OTUD7A: variants seen among roughly 807,000 people sequenced by gnomAD.
OTUD7A encodes OTU deubiquitinase 7A.
Under a neutral mutation model 65.7 loss-of-function variants are expected in OTUD7A, and 12 were observed. That is an observed-to-expected ratio of 0.18 (90% CI 0.12 to 0.30). The LOEUF is 0.30. Ranked by LOEUF, OTUD7A falls within the 10% of genes least tolerant of loss-of-function variation. The pLI, the probability that OTUD7A is intolerant of heterozygous loss-of-function variation, is 1.00. For synonymous variants in OTUD7A, 641 were observed against 586.3 expected, an observed-to-expected ratio of 1.09 and a Z score of -1.35; for missense variants, 1,148 against 1,304.8, an observed-to-expected ratio of 0.88 and a Z score of 1.85.
At chr15:31,720,757 G>C (rs1382298367) in intron 1 of OTUD7A, among the ~76,000 whole-genome samples, 2 of 150,990 alleles carry the variant, frequency 1.3e-5, no homozygotes, top group Admixed American at 6.6e-5. Context: ...TGTTTCTAAA[G>C]TCTACAGCAG....
chr15:31,610,607 A>ATTT (rs1395271113), intron 3 of OTUD7A, among the ~76,000 whole-genome samples: 1 of 39,564 alleles, frequency 2.5e-5, no homozygotes, highest in Non-Finnish European at 4.6e-5. Flanking sequence ...ATATATATAT[A>ATTT]TATATATATA....
intron 3 of OTUD7A, among the ~76,000 whole-genome samples, chr15:31,607,277 C>T (rs1388335375): frequency 2.0e-5 from 3 of 152,078 alleles, no homozygotes; most frequent in Admixed American, 1.3e-4. Flanking sequence ...TACTCAGGGC[C>T]CTCAATGAAG....
chr15:31,792,725 T>TCTGC lies in OTUD7A; in HGVS notation c.-100+77778_-100+77781dup, dbSNP rs547498596. On this transcript the variant is annotated intron_variant, in intron 1 of 12. Coordinates refer to ENST00000307050, the MANE Select transcript of OTUD7A (RefSeq NM_001382637.1). ...AATTCTTCTTTATGTGTATGTGTGT[T>TCTGC]CTGCCATCCCCCACTGGCTTCTGAG... 9.8e-5 allele frequency among the ~76,000 whole-genome samples: 15 copies of TCTGC among 152,316 alleles called. No individual in the cohort carries two copies. The South Asian group carries it at 3.1e-3, about 32-fold the overall frequency.
At chr15:31,574,153 T>C (rs1367462781) in intron 3 of OTUD7A, among the ~76,000 whole-genome samples, 2 of 152,318 alleles carry the variant, frequency 1.3e-5, no homozygotes, top group African/African-American at 2.4e-5. Context: ...CAAACTTATA[T>C]AACCACTAGT....
At chr15:31,719,537 G>C (rs1284408663) in intron 1 of OTUD7A, among the ~76,000 whole-genome samples, 1 of 152,124 alleles carries the variant, frequency 6.6e-6, no homozygotes, top group Admixed American at 6.5e-5. Context: ...AATTTGAAGA[G>C]ACAGCCCTCC....
chr15:31,548,927 G>C (rs1215069187), intron 5 of OTUD7A, among the ~76,000 whole-genome samples: 2 of 152,112 alleles, frequency 1.3e-5, no homozygotes, highest in Non-Finnish European at 1.5e-5. Flanking sequence ...CTTGAGGCCA[G>C]GGGTTCAAGA....
chr15:31,478,329 T>C lies in OTUD7A; in HGVS notation c.*4965A>G, dbSNP rs967040323. 1 of 150,674 alleles carries C rather than the reference T, an allele frequency of 6.6e-6. No individual in the cohort carries two copies. Among genetic ancestry groups the C allele is most frequent in the Non-Finnish European group, 1.5e-5 (1 of 67,502 alleles). The allele number at this position is 150,674 out of a possible 1,614,324, so 9.3% of individuals were successfully genotyped here. A position where few individuals can be genotyped will look rare whatever the true frequency, so the allele number is the denominator to read the frequency against. On this transcript the variant is annotated 3_prime_UTR_variant, in exon 13 of 13. Transcript: ENST00000307050. ...AAACCAAATGGTACTCTTCGCCTTA[T>C]GTTAAACTAACAAATTATGTATATA...
chr15:31,735,262 G>A (rs1346172676), intron 1 of OTUD7A, among the ~76,000 whole-genome samples: 1 of 152,164 alleles, frequency 6.6e-6, no homozygotes, highest in Non-Finnish European at 1.5e-5. Context: ...GGTGGCTCAT[G>A]CCTGTAATCC....
At chr15:31,818,156 G>C (rs1249390545) in intron 1 of OTUD7A, among the ~76,000 whole-genome samples, 1 of 152,160 alleles carries the variant, frequency 6.6e-6, no homozygotes, top group Non-Finnish European at 1.5e-5. Flanking sequence ...GGACTTCTCG[G>C]ACTCCCAAAC....
chr15:31,837,746 G>A (rs1189332097), intron 1 of OTUD7A, among the ~76,000 whole-genome samples: 1 of 152,086 alleles, frequency 6.6e-6, no homozygotes, highest in African/African-American at 2.4e-5. Flanking sequence ...CAAAATCCCA[G>A]CAAGGTGTTT....
chr15:31,746,761 G>A (rs956811422), intron 1 of OTUD7A, among the ~76,000 whole-genome samples: 24 of 152,172 alleles, frequency 1.6e-4, no homozygotes, highest in African/African-American at 5.8e-4. Flanking sequence ...CTCCCAAAGT[G>A]CTGGGATTAC....
intron 1 of OTUD7A, among the ~76,000 whole-genome samples, chr15:31,861,380 G>A (rs1051510981): frequency 1.3e-5 from 2 of 152,152 alleles, no homozygotes; most frequent in African/African-American, 4.8e-5. Flanking sequence ...AACCATACAT[G>A]CTAAGCAGTG....
At chr15:31,831,364 T>C (rs1483687707) in intron 1 of OTUD7A, among the ~76,000 whole-genome samples, 1 of 152,110 alleles carries the variant, frequency 6.6e-6, no homozygotes, top group East Asian at 1.9e-4. Context: ...ACAACAAACC[T>C]AGTAAAAATC....
In OTUD7A at chr15:31,480,672, G is replaced by A. The variant is rs6493688; in HGVS notation, c.*2622C>T. The A allele has an allele frequency of 0.28, 43,087 of 152,260 alleles. 6,346 individuals carry two copies. Among genetic ancestry groups the A allele is most frequent in the East Asian group, 0.37 (1,922 of 5,180 alleles). 9.4% of individuals were successfully genotyped at this position (152,260 alleles called of 1,614,324 possible). A position where few individuals can be genotyped will look rare whatever the true frequency, so the allele number is the denominator to read the frequency against. ...CACGCCTCTTCTCAAGGAGCATGCT[G>A]TCGGTGCACGGGACTAGCACATTTA... is the stretch of plus-strand genomic sequence containing the variant. On this transcript the variant is annotated 3_prime_UTR_variant, in exon 13 of 13. Coordinates refer to ENST00000307050, the MANE Select transcript of OTUD7A (RefSeq NM_001382637.1).
At chr15:31,628,085 T>C (rs1348534392) in intron 3 of OTUD7A, among the ~76,000 whole-genome samples, 4 of 152,198 alleles carry the variant, frequency 2.6e-5, no homozygotes, top group Non-Finnish European at 4.4e-5. Context: ...GTGCAGAAGC[T>C]CTTTAGCTTA....
At chr15:31,780,789 G>C (rs1175267552) in intron 1 of OTUD7A, among the ~76,000 whole-genome samples, 1 of 152,230 alleles carries the variant, frequency 6.6e-6, no homozygotes, top group African/African-American at 2.4e-5. Flanking sequence ...CATCTCTATA[G>C]AAAAGAGGGC....
At chr15:31,550,124 G>A (rs1888272702) in intron 5 of OTUD7A, among the ~76,000 whole-genome samples, 2 of 138,392 alleles carry the variant, frequency 1.4e-5, no homozygotes, top group Admixed American at 7.2e-5. Flanking sequence ...AAAAAAGAAT[G>A]TGCTGGGAAT....
intron 3 of OTUD7A, among the ~76,000 whole-genome samples, chr15:31,617,012 TAAA>T (rs1354553431): frequency 6.6e-6 from 1 of 151,124 alleles, no homozygotes; most frequent in Non-Finnish European, 1.5e-5. Context: ...AACCAACAAA[TAAA>T]GAAGGAAAAA....
intron 1 of OTUD7A, among the ~76,000 whole-genome samples, chr15:31,865,034 T>C (rs79540109): frequency 9.0e-4 from 25 of 27,810 alleles, no homozygotes; most frequent in Admixed American, 1.1e-3. Context: ...GGCCCCCCCC[T>C]GGGGTTGTGC....
Sources: gnomAD v4.1 joint callset for allele counts (sites outside exome capture counted in the v4.1 genomes callset) on GRCh38, gnomAD v4.1.1 for gene constraint, MANE v1.5 for transcripts, NCBI Gene and HGNC (gene_info 2026-07-23, HGNC 2026-07-21) for gene names.